MTMR7: variants seen among roughly 807,000 people sequenced by gnomAD.
MTMR7 encodes phosphatidylinositol-3-phosphate phosphatase MTMR7.
In MTMR7, 76 loss-of-function variants were observed where a neutral mutation model predicts 81.2. The ratio of observed to expected loss-of-function variants is 0.94; its 90% CI spans 0.78 to 1.13. The LOEUF is 1.13. Among genes scored for constraint, MTMR7 ranks in the 50% most tolerant of loss-of-function variants. MTMR7 has a pLI of 0.00. For missense variants in MTMR7, 1,044 were observed against 820.0 expected (o/e 1.27, Z -3.34); for synonymous variants, 372 against 289.8 (o/e 1.28, Z -2.88).
chr8:17,332,971 A>G (rs1256250256), intron 6 of MTMR7, among the ~76,000 whole-genome samples: 1 of 152,216 alleles, frequency 6.6e-6, no homozygotes, highest in Non-Finnish European at 1.5e-5. Flanking sequence ...GTAATCTTTC[A>G]TTGATACCGA....
intron 4 of MTMR7, among the ~76,000 whole-genome samples, chr8:17,350,811 C>T (rs377403674): frequency 4.7e-4 from 72 of 152,312 alleles, no homozygotes; most frequent in African/African-American, 1.7e-3. Flanking sequence ...AAAAGGGCCA[C>T]AGAAGAGATG....
intron 6 of MTMR7, among the ~76,000 whole-genome samples, chr8:17,336,261 G>T (rs956050170): frequency 1.1e-4 from 17 of 152,056 alleles, no homozygotes; most frequent in African/African-American, 4.1e-4. Context: ...AAGACACCCG[G>T]CGGCTGAGCC....
chr8:17,412,571 G>T lies in MTMR7; in HGVS notation c.24+698C>A, dbSNP rs549866704. Among the ~76,000 whole-genome samples the T allele has an allele frequency of 3.3e-5, 5 of 152,286 alleles. No homozygotes were observed. In the South Asian group the frequency reaches 1.0e-3, roughly 32 times the overall value. On this transcript the variant is annotated intron_variant, in intron 1 of 13. Coordinates refer to ENST00000180173, the MANE Select transcript of MTMR7 (RefSeq NM_004686.5). ...GTTTCCAATGTTAATTTACTGGAGT[G>T]ATCAGGGACCATTTGCTTTTGTTAA...
chr8:17,326,960 G>A (rs1332593380), intron 7 of MTMR7, among the ~76,000 whole-genome samples: 1 of 152,204 alleles, frequency 6.6e-6, no homozygotes, highest in African/African-American at 2.4e-5. Flanking sequence ...AATAACATCA[G>A]TCTTATCTTT....
chr8:17,315,318 A>G (rs1021943175), intron 7 of MTMR7, among the ~76,000 whole-genome samples: 2 of 152,192 alleles, frequency 1.3e-5, no homozygotes, highest in African/African-American at 4.8e-5. Context: ...TAAAAAAATC[A>G]GCGGCTGCCA....
At chr8:17,356,344 G>A (rs941118126) in intron 4 of MTMR7, among the ~76,000 whole-genome samples, 1 of 152,084 alleles carries the variant, frequency 6.6e-6, no homozygotes, top group African/African-American at 2.4e-5. Flanking sequence ...CAGTTTCCAA[G>A]AAACTAATTA....
intron 13 of MTMR7, among the ~76,000 whole-genome samples, chr8:17,300,709 A>G (rs1400703701): frequency 6.6e-6 from 1 of 152,216 alleles, no homozygotes; most frequent in Non-Finnish European, 1.5e-5. Flanking sequence ...TACTAATTAT[A>G]AAACACTGTC....
intron 3 of MTMR7, among the ~76,000 whole-genome samples, chr8:17,367,326 T>A (rs777467400): frequency 2.0e-5 from 3 of 152,008 alleles, no homozygotes; most frequent in Non-Finnish European, 2.9e-5. Context: ...GGGAAGATAA[T>A]TGATACAAAA....
chr8:17,320,223 G>C (rs113197730), intron 7 of MTMR7, among the ~76,000 whole-genome samples: 3 of 152,124 alleles, frequency 2.0e-5, no homozygotes, highest in African/African-American at 7.2e-5. Flanking sequence ...TTCTGCACTT[G>C]TGTCTTGCAT....
chr8:17,333,220 A>G (rs1819103998), intron 6 of MTMR7, among the ~76,000 whole-genome samples: 1 of 152,194 alleles, frequency 6.6e-6, no homozygotes, highest in Admixed American at 6.5e-5. Context: ...TACGAGAATA[A>G]AGAGTTTGGC....
intron 7 of MTMR7, among the ~76,000 whole-genome samples, chr8:17,330,779 C>T (rs1818960079): frequency 6.6e-6 from 1 of 152,144 alleles, no homozygotes; most frequent in Admixed American, 6.5e-5. Context: ...AGTTTTTGAG[C>T]CTGATCTCCA....
At chr8:17,343,734 T>C (rs1359201267) in intron 5 of MTMR7, among the ~76,000 whole-genome samples, 2 of 152,238 alleles carry the variant, frequency 1.3e-5, no homozygotes, top group Non-Finnish European at 2.9e-5. Flanking sequence ...ATTTTTGGTA[T>C]TTTGTAGTTA....
chr8:17,348,930 C>T, intron 5 of MTMR7, 23 bp downstream of exon 5: 4 of 1,613,190 alleles, frequency 2.5e-6, no homozygotes, highest in Non-Finnish European at 3.4e-6. Context: ...AAGTGTAAAA[C>T]AAAAACACGC....
chr8:17,361,744 A>C (rs545753111), intron 3 of MTMR7, among the ~76,000 whole-genome samples: 1 of 152,338 alleles, frequency 6.6e-6, no homozygotes, highest in South Asian at 2.1e-4. Context: ...AAAAAGAAAA[A>C]AATAATAAAG....
At chr8:17,313,828 A>G (rs971011370) in intron 7 of MTMR7, among the ~76,000 whole-genome samples, 1 of 152,200 alleles carries the variant, frequency 6.6e-6, no homozygotes, top group African/African-American at 2.4e-5. Context: ...CTGTCACCCA[A>G]CCACTTCAGA....
chr8:17,363,839 TCTTTTCGTTCTCTA>T (rs1204685248), intron 3 of MTMR7, among the ~76,000 whole-genome samples: 1 of 151,828 alleles, frequency 6.6e-6, no homozygotes, highest in Non-Finnish European at 1.5e-5. Context: ...AATTTTCTGT[TCTTTTCGTTCTCTA>T]CTTTTACCAA....
chr8:17,360,709 T>C (rs1011587548), intron 4 of MTMR7, among the ~76,000 whole-genome samples: 1 of 151,998 alleles, frequency 6.6e-6, no homozygotes, highest in Admixed American at 6.6e-5. Context: ...AAGCAAGGAC[T>C]CAGTGAGTAC....
chr8:17,356,655 A>T (rs1481988092), intron 4 of MTMR7, among the ~76,000 whole-genome samples: 3 of 152,126 alleles, frequency 2.0e-5, no homozygotes, highest in Admixed American at 2.0e-4. Context: ...CAGAGGTTAC[A>T]GTGAGCTGAG....
intron 7 of MTMR7, among the ~76,000 whole-genome samples, chr8:17,316,896 G>C (rs767593058): frequency 2.3e-4 from 35 of 152,036 alleles, no homozygotes; most frequent in Non-Finnish European, 2.9e-4. Flanking sequence ...AATTCTCCTT[G>C]GATACTGAGG....
Sources: allele counts gnomAD v4.1 joint callset (sites outside exome capture counted in the v4.1 genomes callset), GRCh38; gene constraint gnomAD v4.1.1; transcripts MANE v1.5; gene names NCBI Gene and HGNC (gene_info 2026-07-23, HGNC 2026-07-21).